TRIM42: variants seen among roughly 807,000 people sequenced by gnomAD.
TRIM42 encodes the protein tripartite motif-containing protein 42.
A neutral mutation model predicts 64.9 loss-of-function variants in TRIM42; 59 were observed. The observed-to-expected ratio is 0.91, with a 90% CI of 0.74 to 1.13. The LOEUF is 1.13. Ranked by LOEUF, TRIM42 falls within the 50% of genes most tolerant of loss-of-function variation. TRIM42 has a pLI of 0.00. For missense variants in TRIM42, 878 were observed against 929.5 expected (o/e 0.94, Z 0.72); for synonymous variants, 354 against 346.3 (o/e 1.02, Z -0.25).
At chr3:140,679,635 T>C (rs1237053468) in intron 1 of TRIM42, among the ~76,000 whole-genome samples, 1 of 152,124 alleles carries the variant, frequency 6.6e-6, no homozygotes, top group Non-Finnish European at 1.5e-5. Context: ...TTTGCATAAA[T>C]AGGAAATCCA....
chr3:140,685,304 C>T (rs1454650364), intron 2 of TRIM42, among the ~76,000 whole-genome samples: 1 of 152,172 alleles, frequency 6.6e-6, no homozygotes, highest in Non-Finnish European at 1.5e-5. Flanking sequence ...ATGCCCCTGT[C>T]CCATCCACAT....
chr3:140,694,567 TC>T (rs1385760652), intron 4 of TRIM42, among the ~76,000 whole-genome samples: 1 of 152,198 alleles, frequency 6.6e-6, no homozygotes, highest in African/African-American at 2.4e-5. Context: ...CATGAAAGCT[TC>T]CCATGACAAA....
At chr3:140,689,832 T>C (rs1283775240) in intron 3 of TRIM42, among the ~76,000 whole-genome samples, 3 of 150,808 alleles carry the variant, frequency 2.0e-5, no homozygotes, top group Non-Finnish European at 4.4e-5. Context: ...TTACCTCAAG[T>C]ATAGCACTGG....
At position 140,688,450 on chromosome 3, in the gene TRIM42, T is replaced by C. The variant is rs1410358303; in HGVS notation, c.1768T>C (p.Phe590Leu). The C allele has an allele frequency of 6.2e-7, 1 of 1,614,178 alleles. No individual in the cohort carries two copies. The highest frequency in any genetic ancestry group is 1.3e-5 in the African/African-American group (1 of 75,038). Residue 590 changes from phenylalanine to leucine, a missense_variant, in exon 3 of 5, where the codon TTC becomes CTC. Physicochemically the swap from Phe to Leu is conservative, Grantham distance 22. Transcript: ENST00000286349. ...CCAGTCTGTACAGAACAGCAGCAGC[T>C]TCCACAACTGGTACTCATTCAACGA... ...DSQSVQNSSS[F>L]HNWYSFNDGS...
intron 4 of TRIM42, among the ~76,000 whole-genome samples, chr3:140,699,398 TGGTAG>T (rs1240206252): frequency 6.6e-6 from 1 of 152,230 alleles, no homozygotes; most frequent in East Asian, 1.9e-4. Flanking sequence ...CTTAAGAGTT[TGGTAG>T]AATTCATCTG....
chr3:140,681,177 T>C (rs1207711984), intron 1 of TRIM42, among the ~76,000 whole-genome samples: 2 of 152,216 alleles, frequency 1.3e-5, no homozygotes, highest in Non-Finnish European at 2.9e-5. Flanking sequence ...ATTAGACAAA[T>C]GGAGAGCCTT....
chr3:140,692,574 G>GAT (rs1988750166), intron 4 of TRIM42, among the ~76,000 whole-genome samples: 1 of 66,090 alleles, frequency 1.5e-5, no homozygotes. Flanking sequence ...GAGAGAGATA[G>GAT]AGAGAGAGAG....
chr3:140,682,322 A>G, intron 1 of TRIM42, 140 bp from the exon 2 acceptor site: 1 of 758,104 alleles, frequency 1.3e-6, no homozygotes. Context: ...TTGAGAACGC[A>G]GGCACCTTAG....
In TRIM42 at chr3:140,687,992, C is replaced by T; in HGVS notation, c.1310C>T (p.Thr437Ile). Reference sequence around the variant, plus strand: ...TACTCCAAGGAAGCCCTGAAGGAGACTGGCCAGGTGGCATTCCTGCAGTCA... The same window carrying T: ...TACTCCAAGGAAGCCCTGAAGGAGATTGGCCAGGTGGCATTCCTGCAGTCA... ...IAYSKEALKETGQVAFLQSAK... is the reference protein window; with the variant it reads ...IAYSKEALKEIGQVAFLQSAK... Residue 437 changes from threonine (T) to isoleucine (I), a missense_variant, in exon 3 of 5, where the codon ACT becomes ATT. Coordinates refer to ENST00000286349, the MANE Select transcript of TRIM42 (RefSeq NM_152616.5). 1.2e-6 allele frequency: 2 copies of T among 1,614,202 alleles called. No homozygotes were observed. The highest frequency in any genetic ancestry group is 2.7e-5 in the African/African-American group (2 of 75,044).
At chr3:140,688,677 T>C (rs1354546149) in intron 3 of TRIM42, 135 bp downstream of exon 3, 13 of 669,826 alleles carry the variant, frequency 1.9e-5, no homozygotes, top group Non-Finnish European at 3.0e-5. Flanking sequence ...TCTAGACTCT[T>C]TGTGGTCATC....
chr3:140,681,974 CAAACATTATT>C (rs1988407504), intron 1 of TRIM42, among the ~76,000 whole-genome samples: 3 of 151,600 alleles, frequency 2.0e-5, no homozygotes, highest in African/African-American at 7.3e-5. Flanking sequence ...TGTCGGAGTC[CAAACATTATT>C]AAGTGGTCTT....
At chr3:140,679,643 C>T (rs2107840089) in intron 1 of TRIM42, among the ~76,000 whole-genome samples, 1 of 152,218 alleles carries the variant, frequency 6.6e-6, no homozygotes, top group South Asian at 2.1e-4. Context: ...AATAGGAAAT[C>T]CAGGGATTCT....
chr3:140,691,179 G>T lies in TRIM42; in HGVS notation c.2072G>T (p.Ser691Ile). The T allele has an allele frequency of 1.2e-6, 2 of 1,613,994 alleles. No individual in the cohort carries two copies. The highest frequency in any genetic ancestry group is 1.7e-6 in the Non-Finnish European group (2 of 1,179,850). The change falls in exon 4 of 5, where the codon AGT becomes ATT. Residue 691 changes from serine (S) to isoleucine (I), a missense_variant. Transcript: ENST00000286349. Reference protein sequence around the residue: ...AINDNGPGQWSDICKVVTPDG... With the variant: ...AINDNGPGQWIDICKVVTPDG... ...AATGATAATGGTCCTGGGCAATGGA[G>T]TGATATCTGCAAGGTATTGTGTGCG... is the stretch of plus-strand genomic sequence containing the variant.
chr3:140,690,051 T>A (rs1559938289), intron 3 of TRIM42, among the ~76,000 whole-genome samples: 1 of 152,164 alleles, frequency 6.6e-6, no homozygotes, highest in African/African-American at 2.4e-5. Flanking sequence ...CACCTAAACC[T>A]ACTGCCAGAC....
chr3:140,688,300 T>C lies in TRIM42; in HGVS notation c.1618T>C (p.Leu540=), dbSNP rs747036815. The change falls in exon 3 of 5, where the codon TTG becomes CTG. Residue 540 remains leucine (L), a synonymous_variant. Coordinates refer to ENST00000286349, the MANE Select transcript of TRIM42 (RefSeq NM_152616.5). The stretch of plus-strand genomic sequence containing the variant: ...CATATACCAGCGAAGCTCCTCCATG[T>C]TGTCCTTCAGCAACACTGACAAGAA... ...QHIYQRSSSM[L]SFSNTDKKAK... The C allele has an allele frequency of 1.9e-6, 3 of 1,614,050 alleles. No homozygotes were observed.
Position 140,687,893 on chromosome 3 carries a change from C to T in TRIM42, c.1211C>T (p.Ser404Phe). 6.2e-7 allele frequency: 1 copy of T among 1,614,124 alleles called. No homozygotes were observed. The highest frequency in any genetic ancestry group is 8.5e-7 in the Non-Finnish European group (1 of 1,180,026). ...IMEQIENLEVSRQKEIEKYVY... is the reference protein window; with the variant it reads ...IMEQIENLEVFRQKEIEKYVY... ...GAGCAGATAGAGAATCTAGAAGTGT[C>T]CAGGCAGAAGGAAATTGAAAAATAT... The change falls in exon 3 of 5, where the codon TCC becomes TTC. Residue 404 changes from serine to phenylalanine, a missense_variant. Ser to Phe is a radical substitution (Grantham distance 155). Coordinates refer to ENST00000286349, the MANE Select transcript of TRIM42 (RefSeq NM_152616.5).
At chr3:140,694,997 C>T (rs573604793) in intron 4 of TRIM42, among the ~76,000 whole-genome samples, 35 of 152,262 alleles carry the variant, frequency 2.3e-4, no homozygotes, top group African/African-American at 8.2e-4. Context: ...GTAATCCCAC[C>T]ACTTTGGGAG....
intron 2 of TRIM42, among the ~76,000 whole-genome samples, chr3:140,687,093 T>G (rs934705506): frequency 6.6e-6 from 1 of 152,056 alleles, no homozygotes; most frequent in African/African-American, 2.4e-5. Context: ...TGGTTTTCCT[T>G]GAAGTGTGAC....
intron 1 of TRIM42, among the ~76,000 whole-genome samples, chr3:140,681,061 A>C (rs976702392): frequency 6.6e-6 from 1 of 152,216 alleles, no homozygotes; most frequent in Non-Finnish European, 1.5e-5. Context: ...TTATTTTTAT[A>C]CACTGCATTT....
Sources: gnomAD v4.1 joint callset for allele counts (sites outside exome capture counted in the v4.1 genomes callset) on GRCh38, gnomAD v4.1.1 for gene constraint, MANE v1.5 for transcripts, NCBI Gene and HGNC (gene_info 2026-07-23, HGNC 2026-07-21) for gene names.